LMLN: variants seen among roughly 807,000 people sequenced by gnomAD.
The protein encoded by LMLN is leishmanolysin-like peptidase.
In LMLN, 70 loss-of-function variants were observed where a neutral mutation model predicts 92.3. That is an observed-to-expected ratio of 0.76 (90% CI 0.63 to 0.92). The LOEUF (loss-of-function observed/expected upper bound fraction) is 0.92. Among genes scored for constraint, LMLN ranks in the 40% least tolerant of loss-of-function variants. LMLN has a pLI of 0.00. For missense variants in LMLN, 691 were observed against 814.6 expected (o/e 0.85, Z 1.85); for synonymous variants, 308 against 296.2 (o/e 1.04, Z -0.41).
chr3:197,988,989 G>A (rs1234200963), intron 8 of LMLN, among the ~76,000 whole-genome samples: 1 of 152,062 alleles, frequency 6.6e-6, no homozygotes, highest in Non-Finnish European at 1.5e-5. Context: ...GGCCTATGTA[G>A]TATATCTTTT....
chr3:197,979,234 G>GAA (rs1721487087), intron 5 of LMLN, among the ~76,000 whole-genome samples: 1 of 152,138 alleles, frequency 6.6e-6, no homozygotes, highest in African/African-American at 2.4e-5. Flanking sequence ...AATGAAATGA[G>GAA]AATTTGTTTT....
At chr3:197,962,062 A>G (rs908164417) in intron 1 of LMLN, among the ~76,000 whole-genome samples, 4 of 152,136 alleles carry the variant, frequency 2.6e-5, no homozygotes, top group African/African-American at 9.7e-5. Flanking sequence ...ATGCACATCC[A>G]CATAAAGCAT....
intron 1 of LMLN, among the ~76,000 whole-genome samples, chr3:197,969,332 C>T (rs1478476706): frequency 6.6e-6 from 1 of 151,770 alleles, no homozygotes; most frequent in Non-Finnish European, 1.5e-5. Context: ...GATCTTTTTT[C>T]TAAAATAGGC....
At chr3:198,024,278 C>T (rs540201173) in intron 13 of LMLN, among the ~76,000 whole-genome samples, 1 of 147,256 alleles carries the variant, frequency 6.8e-6, no homozygotes, top group South Asian at 2.1e-4. Context: ...TGCAGTGGTA[C>T]AATCTCGGCT....
intron 11 of LMLN, among the ~76,000 whole-genome samples, chr3:198,013,325 GCCCCC>G (rs1581168389): frequency 3.8e-5 from 3 of 79,460 alleles, no homozygotes; most frequent in Non-Finnish European, 6.4e-5. Context: ...ACCCTTCAGA[GCCCCC>G]CAACTAGTCT....
rs904391041 is a variant in LMLN, at chr3:198,035,438, C to G, written c.1657-395C>G. On this transcript the variant is annotated intron_variant, in intron 14 of 15. Transcript: ENST00000330198. ...AGCGCAGTGGCATGATCTCGGCTCA[C>G]TGCAACCTCTGCCTCCCAGGATCAA... Among the ~76,000 whole-genome samples, 4 of 147,604 alleles carry G rather than the reference C, an allele frequency of 2.7e-5. No homozygotes were observed. In the Admixed American group the frequency reaches 2.7e-4, roughly 10 times the overall value.
chr3:198,006,475 GT>G lies in LMLN; in HGVS notation c.1232+7137del, dbSNP rs1398776691. Among the ~76,000 whole-genome samples, 16 of 152,288 alleles carry G rather than the reference GT, an allele frequency of 1.1e-4. 1 individual carries two copies. Among genetic ancestry groups the G allele is most frequent in the Admixed American group, 7.2e-4 (11 of 15,294 alleles). On this transcript the variant is annotated intron_variant, in intron 11 of 15. Transcript: ENST00000330198. ...GGCTCATTAAGTAATTACAGGTTTA[GT>G]TTTGTAAGAAAATGCCAAACTTTTT...
intron 1 of LMLN, among the ~76,000 whole-genome samples, chr3:197,965,358 GT>G (rs1721027306): frequency 6.6e-6 from 1 of 151,860 alleles, no homozygotes; most frequent in Non-Finnish European, 1.5e-5. Flanking sequence ...GATCTATCCT[GT>G]TTAATTTTTC....
chr3:198,000,015 A>T (rs1722128228), intron 11 of LMLN, among the ~76,000 whole-genome samples: 1 of 152,244 alleles, frequency 6.6e-6, no homozygotes, highest in South Asian at 2.1e-4. Flanking sequence ...CTGGTTTTTT[A>T]TAAAACAATG....
At chr3:197,993,756 C>T (rs1357571295) in intron 9 of LMLN, among the ~76,000 whole-genome samples, 2 of 151,946 alleles carry the variant, frequency 1.3e-5, no homozygotes, top group African/African-American at 2.4e-5. Context: ...TATGGAACCA[C>T]AAACACACCA....
intron 11 of LMLN, chr3:198,003,025 G>A (rs1430442916): frequency 1.9e-6 from 3 of 1,548,506 alleles, no homozygotes; most frequent in Non-Finnish European, 2.6e-6. Context: ...CTGGTATAAA[G>A]CAAATTACAG....
chr3:197,987,158 A>ATTTT (rs772089146), intron 8 of LMLN, among the ~76,000 whole-genome samples: 1 of 77,608 alleles, frequency 1.3e-5, no homozygotes, highest in Non-Finnish European at 2.7e-5. Context: ...ATATGTTTGA[A>ATTTT]TTTTTTTTTT....
chr3:198,036,050 GCTCT>G lies in LMLN; in HGVS notation c.1867+10_1867+13del. ...ACCCGAGCTCTGCCACTTGGTGAGT[GCTCT>G]CTATGGTTGGAATAAAGAGGGAAAA... is the stretch of plus-strand genomic sequence containing the variant. On this transcript the variant is annotated splice_region_variant and intron_variant, in intron 15 of 15. Coordinates refer to ENST00000330198, the Ensembl canonical transcript of LMLN. 6.2e-7 allele frequency: 1 copy of G among 1,610,706 alleles called. No individual in the cohort carries two copies. The highest frequency in any genetic ancestry group is 2.2e-5 in the East Asian group (1 of 44,860).
intron 1 of LMLN, among the ~76,000 whole-genome samples, chr3:197,964,407 T>G (rs1027244933): frequency 2.8e-5 from 4 of 142,506 alleles, no homozygotes; most frequent in South Asian, 2.2e-4. Flanking sequence ...TTGTTTTTTG[T>G]TTTTTTTTTT....
chr3:198,003,456 A>C (rs1377308559), intron 11 of LMLN, among the ~76,000 whole-genome samples: 1 of 152,164 alleles, frequency 6.6e-6, no homozygotes, highest in East Asian at 1.9e-4. Context: ...GCACCTGTAA[A>C]CATAGATGCA....
intron 11 of LMLN, among the ~76,000 whole-genome samples, chr3:198,005,306 A>G (rs568563081): frequency 4.0e-5 from 6 of 151,768 alleles, no homozygotes; most frequent in Non-Finnish European, 5.9e-5. Context: ...TATATCATCT[A>G]TACAGATACA....
chr3:197,963,260 G>C (rs1482641669), intron 1 of LMLN, among the ~76,000 whole-genome samples: 1 of 150,616 alleles, frequency 6.6e-6, no homozygotes, highest in African/African-American at 2.5e-5. Flanking sequence ...CTGGAGTGCA[G>C]TGGCAGAATC....
intron 5 of LMLN, among the ~76,000 whole-genome samples, chr3:197,978,720 G>T (rs2109862852): frequency 6.6e-6 from 1 of 152,294 alleles, no homozygotes; most frequent in East Asian, 1.9e-4. Context: ...GTCAGGCACG[G>T]TGGCTTATGC....
chr3:198,009,089 G>GA (rs1404623456), intron 11 of LMLN, among the ~76,000 whole-genome samples: 2 of 152,008 alleles, frequency 1.3e-5, no homozygotes, highest in African/African-American at 4.8e-5. Context: ...ATGTAAGCTT[G>GA]AAAAAAATCT....
Sources: allele counts gnomAD v4.1 joint callset (sites outside exome capture counted in the v4.1 genomes callset), GRCh38; gene constraint gnomAD v4.1.1; transcripts MANE v1.5; gene names NCBI Gene and HGNC (gene_info 2026-07-23, HGNC 2026-07-21).